EDA: variants seen among roughly 807,000 people sequenced by gnomAD.
The protein encoded by EDA is ectodysplasin A.
Under a neutral mutation model 23.6 loss-of-function variants are expected in EDA, and 2 were observed. The observed-to-expected ratio is 0.08, with a 90% CI of 0.03 to 0.27. The LOEUF (loss-of-function observed/expected upper bound fraction) is 0.27, where lower values mean the gene tolerates loss of function less well. Ranked by LOEUF, EDA falls within the 10% of genes least tolerant of loss-of-function variation. The probability of loss-of-function intolerance (pLI) is 1.00; values close to 1 mark genes in which losing one functional copy is unlikely to be tolerated. For missense variants in EDA, 229 were observed against 324.2 expected (o/e 0.71, Z 2.26); for synonymous variants, 131 against 132.0 (o/e 0.99, Z 0.05).
At chrX:69,934,769 T>C in intron 1 of EDA, among the ~76,000 whole-genome samples, 1 of 111,935 alleles carries the variant, frequency 8.9e-6, no homozygotes, top group East Asian at 2.8e-4. Context: ...TTCTTTGTAT[T>C]GCAAACAATC....
At position 69,620,961 on chromosome X, in the gene EDA, C is replaced by G. The variant is rs368641938; in HGVS notation, c.396+4257C>G. ...GCTATGCTTAGGTGAGTAAATAGTT[C>G]CACTGGAAATGTTTCACTGATTTCT... On this transcript the variant is annotated intron_variant, in intron 1 of 7. Coordinates refer to ENST00000374552, the MANE Select transcript of EDA (RefSeq NM_001399.5). The G allele has an allele frequency of 2.5e-5, 9 of 358,669 alleles. No individual in the cohort carries two copies. In the East Asian group the frequency reaches 6.6e-4, roughly 26 times the overall value. The allele number at this position is 358,669 out of a possible 1,213,427, so 29.6% of individuals were successfully genotyped here. A position where few individuals can be genotyped will look rare whatever the true frequency, so the allele number is the denominator to read the frequency against.
At chrX:69,681,772 C>T (rs1165520499) in intron 1 of EDA, among the ~76,000 whole-genome samples, 3 of 111,111 alleles carry the variant, frequency 2.7e-5, no homozygotes, top group Non-Finnish European at 5.7e-5. Flanking sequence ...TTTGAATGTC[C>T]TCCTGTAGCT....
intron 1 of EDA, among the ~76,000 whole-genome samples, chrX:69,702,768 A>T (rs1195862269): frequency 9.0e-6 from 1 of 111,296 alleles, no homozygotes; most frequent in African/African-American, 3.3e-5. Flanking sequence ...GCCTGGACAT[A>T]AGGAATTTCT....
intron 1 of EDA, among the ~76,000 whole-genome samples, chrX:69,711,791 A>G (rs2012055520): frequency 9.0e-6 from 1 of 111,551 alleles, no homozygotes; most frequent in South Asian, 3.7e-4. Flanking sequence ...AGAGGTGTTT[A>G]TAGTATTCTC....
chrX:69,920,224 T>C (rs2018409724), intron 1 of EDA, among the ~76,000 whole-genome samples: 1 of 111,121 alleles, frequency 9.0e-6, no homozygotes, highest in African/African-American at 3.3e-5. Context: ...TATATAAACG[T>C]TTAATGTTAT....
chrX:70,023,478 C>CTTTTTTTT lies in EDA; in HGVS notation c.526+258_526+265dup, dbSNP rs754981946. Among the ~76,000 whole-genome samples, 86 of 33,496 alleles carry CTTTTTTTT rather than the reference C, an allele frequency of 2.6e-3. 3 individuals carry two copies. The highest frequency in any genetic ancestry group is 3.1e-3 in the Non-Finnish European group (66 of 21,214). The allele number at this position is 33,496 out of a possible 115,157, so 29.1% of individuals were successfully genotyped here. A position where few individuals can be genotyped will look rare whatever the true frequency, so the allele number is the denominator to read the frequency against. On this transcript the variant is annotated intron_variant, in intron 3 of 7. Transcript: ENST00000374552. ...TCTTCTCCCTGCCCTTCTTTTTATT[C>CTTTTTTTT]TTTTTTTTTTTTTTTTTTTTTTTTT...
chrX:69,937,597 T>A (rs1359197457), intron 1 of EDA: 11 of 1,140,300 alleles, frequency 9.6e-6, no homozygotes, highest in Admixed American at 2.2e-5. Flanking sequence ...CCTGAAGTCA[T>A]AAGAAGTTCT....
At chrX:69,956,572 G>A (rs1284146125) in intron 1 of EDA, among the ~76,000 whole-genome samples, 1 of 110,373 alleles carries the variant, frequency 9.1e-6, no homozygotes, top group Non-Finnish European at 1.9e-5. Flanking sequence ...TCGAACTCCT[G>A]ACCTCAGGTG....
chrX:69,802,756 G>C (rs923997421), intron 1 of EDA, among the ~76,000 whole-genome samples: 3 of 111,513 alleles, frequency 2.7e-5, no homozygotes, highest in African/African-American at 9.8e-5. Context: ...GTCAATGGCT[G>C]TCTGGCAGTG....
intron 1 of EDA, among the ~76,000 whole-genome samples, chrX:69,668,066 A>T (rs753065993): frequency 8.9e-6 from 1 of 112,455 alleles, no homozygotes; most frequent in Non-Finnish European, 1.9e-5. Flanking sequence ...TTTGAAGGAC[A>T]CATTCAAACA....
chrX:70,018,190 A>G (rs1360580892), intron 2 of EDA, among the ~76,000 whole-genome samples: 1 of 112,051 alleles, frequency 8.9e-6, no homozygotes. Flanking sequence ...CTGCTCACAG[A>G]AATCAGAGAT....
intron 1 of EDA, among the ~76,000 whole-genome samples, chrX:69,836,093 A>G (rs954092120): frequency 7.1e-5 from 8 of 111,987 alleles, no homozygotes; most frequent in Non-Finnish European, 1.3e-4. Context: ...CTGCCTGATC[A>G]TTCCTCTGGA....
intron 1 of EDA, among the ~76,000 whole-genome samples, chrX:69,832,814 A>G (rs1165524066): frequency 1.8e-5 from 2 of 111,287 alleles, no homozygotes; most frequent in Non-Finnish European, 3.8e-5. Flanking sequence ...GTGAATGGGA[A>G]TTCATTCATG....
intron 1 of EDA, among the ~76,000 whole-genome samples, chrX:69,670,787 T>A (rs760434178): frequency 8.9e-6 from 1 of 111,744 alleles, no homozygotes; most frequent in South Asian, 3.8e-4. Flanking sequence ...TATCTCTTTG[T>A]TGAATTTATC....
chrX:69,769,130 G>A lies in EDA; in HGVS notation c.396+152426G>A, dbSNP rs781059432. 6.7e-4 allele frequency among the ~76,000 whole-genome samples: 75 copies of A among 111,284 alleles called. 1 individual carries two copies. The highest frequency in any genetic ancestry group is 1.9e-4 in the Admixed American group (2 of 10,410). On this transcript the variant is annotated intron_variant, in intron 1 of 7. Coordinates refer to ENST00000374552, the MANE Select transcript of EDA (RefSeq NM_001399.5). ...TGATCTAGCTTGGTAAATGTTCCAT[G>A]GGCAGTTGTGTACTCGTCAATGCTG...
chrX:69,967,068 G>C, intron 2 of EDA, among the ~76,000 whole-genome samples: 1 of 109,954 alleles, frequency 9.1e-6, no homozygotes, highest in Middle Eastern at 4.8e-3. Flanking sequence ...GGATGGGAAG[G>C]GAATAACTAT....
chrX:69,797,509 C>T (rs1390783851), intron 1 of EDA, among the ~76,000 whole-genome samples: 4 of 110,918 alleles, frequency 3.6e-5, no homozygotes, highest in South Asian at 7.6e-4. Context: ...AATTGCTGTT[C>T]ATAAAAGAAG....
intron 1 of EDA, among the ~76,000 whole-genome samples, chrX:69,819,653 G>A (rs769126072): frequency 9.0e-6 from 1 of 111,219 alleles, no homozygotes; most frequent in Non-Finnish European, 1.9e-5. Context: ...AAAATGCCTA[G>A]GAATATGGCT....
At chrX:70,004,013 A>G (rs1215399559) in intron 2 of EDA, among the ~76,000 whole-genome samples, 10 of 112,076 alleles carry the variant, frequency 8.9e-5, no homozygotes, top group African/African-American at 2.6e-4. Flanking sequence ...CACTAAAGTG[A>G]CCAAAGACTA....
Sources: gnomAD v4.1 joint callset for allele counts (sites outside exome capture counted in the v4.1 genomes callset) on GRCh38, gnomAD v4.1.1 for gene constraint, MANE v1.5 for transcripts, NCBI Gene and HGNC (gene_info 2026-07-23, HGNC 2026-07-21) for gene names.